KIAA1586: variants seen among roughly 807,000 people sequenced by gnomAD.
KIAA1586 encodes E3 SUMO-protein ligase KIAA1586.
Under a neutral mutation model 6.1 loss-of-function variants are expected in KIAA1586, and 5 were observed. The ratio of observed to expected loss-of-function variants is 0.82; its 90% CI spans 0.43 to 1.73. The LOEUF (loss-of-function observed/expected upper bound fraction) is 1.73, where lower values mean the gene tolerates loss of function less well. KIAA1586 is among the 40% of genes most tolerant of loss of function. KIAA1586 has a pLI of 0.02. For synonymous variants in KIAA1586, 280 were observed against 301.7 expected, an observed-to-expected ratio of 0.93 and a Z score of 0.75; for missense variants, 899 against 878.2, an observed-to-expected ratio of 1.02 and a Z score of -0.30.
chr6:57,056,674 A>G (rs538578142), downstream of KIAA1586, among the ~76,000 whole-genome samples: 3 of 151,310 alleles, frequency 2.0e-5, no homozygotes, highest in Admixed American at 6.6e-5. Context: ...GTAGCTGGGA[A>G]TACAGGTACA....
chr6:57,051,293 A>G (rs142894234), intron 3 of KIAA1586, among the ~76,000 whole-genome samples: 2 of 151,686 alleles, frequency 1.3e-5, no homozygotes, highest in Admixed American at 1.3e-4. Context: ...GATTGTAAAC[A>G]TAACAGTTAT....
rs375554795 is a variant in KIAA1586, at chr6:57,053,953, C to T, written c.1454C>T (p.Ala485Val). Residue 485 changes from alanine (A) to valine (V), a missense_variant, in exon 4 of 4, where the codon GCG (alanine) becomes GTG (valine). By Grantham distance (64) the Ala-to-Val change is moderately conservative. Transcript: ENST00000370733. ...GGTCGAGTAATGGGACCAAGATGGG[C>T]GGCATGTAGTTTACAAGCTGCTACT... ...KIGRVMGPRW[A>V]ACSLQAATAV... 230 of 1,583,128 alleles carry T rather than the reference C, an allele frequency of 1.5e-4. No individual in the cohort carries two copies. The highest frequency in any genetic ancestry group is 1.8e-4 in the Non-Finnish European group (210 of 1,168,910).
Position 57,053,026 on chromosome 6 carries a change from A to G in KIAA1586, c.527A>G (p.Lys176Arg), listed in dbSNP as rs140584319. 5 of 1,613,846 alleles carry G rather than the reference A, an allele frequency of 3.1e-6. No homozygotes were observed. Among genetic ancestry groups the G allele is most frequent in the African/African-American group, 2.7e-5 (2 of 74,932 alleles). Residue 176 changes from lysine (K) to arginine (R), a missense_variant, in exon 4 of 4, where the codon AAG (lysine) becomes AGG (arginine). Physicochemically the swap from Lys to Arg is conservative, Grantham distance 26. Transcript: ENST00000370733. ...CGGCATTTGGGATCGAAAGCAGAAA[A>G]GCATGTCCATGTGTCCAAGGAATGG... Reference protein sequence around the residue: ...AVRHLGSKAEKHVHVSKEWIA... With the variant: ...AVRHLGSKAERHVHVSKEWIA...
At chr6:57,055,463 A>C (rs1327662775), downstream of KIAA1586, among the ~76,000 whole-genome samples, 1 of 151,996 alleles carries the variant, frequency 6.6e-6, no homozygotes, top group Non-Finnish European at 1.5e-5. Context: ...TGCCTGTCAA[A>C]CTTGTGTGTC....
At chr6:57,059,369 G>A (rs922077310), downstream of KIAA1586, among the ~76,000 whole-genome samples, 2 of 152,050 alleles carry the variant, frequency 1.3e-5, no homozygotes, top group Non-Finnish European at 2.9e-5. Flanking sequence ...GAGGTGGGCG[G>A]ATCACAAGGT....
the KIAA1586 span, among the ~76,000 whole-genome samples, chr6:57,060,802 G>GATTT: frequency 8.9e-4 from 135 of 152,024 alleles, 1 homozygote; most frequent in South Asian, 1.9e-3. Context: ...CTGAAAATGT[G>GATTT]ATTTATTTAT....
In KIAA1586 at chr6:57,053,964, T is replaced by A. The variant is rs1562571468; in HGVS notation, c.1465T>A (p.Leu489Ile). 3 of 1,587,310 alleles carry A rather than the reference T, an allele frequency of 1.9e-6. No homozygotes were observed. Among genetic ancestry groups the A allele is most frequent in the Non-Finnish European group, 2.6e-6 (3 of 1,170,758 alleles). Residue 489 changes from leucine to isoleucine, a missense_variant, in exon 4 of 4, where the codon TTA becomes ATA. By Grantham distance (5) the Leu-to-Ile change is conservative. Transcript: ENST00000370733. ...GGGACCAAGATGGGCGGCATGTAGT[T>A]TACAAGCTGCTACTGCTGTATGGCA... ...VMGPRWAACS[L>I]QAATAVWHAY... is the part of the protein sequence containing the mutation.
intron 2 of KIAA1586, among the ~76,000 whole-genome samples, chr6:57,048,635 G>A (rs996401753): frequency 1.3e-5 from 2 of 152,134 alleles, no homozygotes; most frequent in Non-Finnish European, 2.9e-5. Flanking sequence ...AGAAACATTT[G>A]GGAAGAGGAG....
intron 2 of KIAA1586, among the ~76,000 whole-genome samples, chr6:57,048,810 C>T (rs1024836540): frequency 6.6e-6 from 1 of 152,094 alleles, no homozygotes; most frequent in Non-Finnish European, 1.5e-5. Flanking sequence ...GTAGAAGTGA[C>T]ATACGTCTGA....
Position 57,050,965 on chromosome 6 carries a change from C to G in KIAA1586, c.186+111C>G, listed in dbSNP as rs989142200. On this transcript the variant is annotated intron_variant, in intron 3 of 3. Coordinates refer to ENST00000370733, the MANE Select transcript of KIAA1586 (RefSeq NM_020931.4). ...TAATTGTTGGCCAGGCACGGTGGCT[C>G]TCGCTTGTAATCCCAGCACTTTGGG... The G allele has an allele frequency of 1.1e-4, 84 of 771,732 alleles. 2 individuals are homozygous for G. Among genetic ancestry groups the G allele is most frequent in the Admixed American group, 3.2e-4 (15 of 47,316 alleles). 47.8% of individuals were successfully genotyped at this position (771,732 alleles called of 1,614,324 possible). A position where few individuals can be genotyped will look rare whatever the true frequency, so the allele number is the denominator to read the frequency against.
rs1828306787 is a variant in KIAA1586, at chr6:57,050,952, A to G, written c.186+98A>G. ...GGATCATAAGAACTAATTGTTGGCCAGGCACGGTGGCTCTCGCTTGTAATC... is the reference window on the plus strand; with the variant it reads ...GGATCATAAGAACTAATTGTTGGCCGGGCACGGTGGCTCTCGCTTGTAATC... On this transcript the variant is annotated intron_variant, in intron 3 of 3. Transcript: ENST00000370733. 3.7e-5 allele frequency: 33 copies of G among 893,492 alleles called. 1 individual carries two copies. The South Asian group carries it at 4.5e-4, about 12-fold the overall frequency. 55.3% of individuals were successfully genotyped at this position (893,492 alleles called of 1,614,324 possible).
intron 3 of KIAA1586, among the ~76,000 whole-genome samples, chr6:57,052,193 AT>A (rs1828346606): frequency 6.6e-6 from 1 of 152,164 alleles, no homozygotes; most frequent in African/African-American, 2.4e-5. Flanking sequence ...GATGGAAAAT[AT>A]TTTTTTAAAT....
chr6:57,054,267 A>G lies in KIAA1586; in HGVS notation c.1768A>G (p.Ile590Val). 6.3e-7 allele frequency: 1 copy of G among 1,584,160 alleles called. No homozygotes were observed. The highest frequency in any genetic ancestry group is 1.1e-5 in the South Asian group (1 of 87,110). ...DLIKSDKFKDIPFNKNNKFNA... is the reference protein window; with the variant it reads ...DLIKSDKFKDVPFNKNNKFNA... ...GATCAAGTCAGATAAGTTTAAAGAT[A>G]TTCCATTTAATAAAAACAATAAATT... The change falls in exon 4 of 4, where the codon ATT becomes GTT. Residue 590 changes from isoleucine to valine, a missense_variant. Coordinates refer to ENST00000370733, the MANE Select transcript of KIAA1586 (RefSeq NM_020931.4).
chr6:57,050,685 C>A, intron 2 of KIAA1586, 89 bp from the exon 3 acceptor site: 1 of 889,170 alleles, frequency 1.1e-6, no homozygotes, highest in Non-Finnish European at 1.8e-6. Context: ...TTCCCAATTC[C>A]AACTAAAAAA....
chr6:57,056,273 C>G (rs897543581), downstream of KIAA1586, among the ~76,000 whole-genome samples: 1 of 151,680 alleles, frequency 6.6e-6, no homozygotes, highest in Admixed American at 6.6e-5. Context: ...GTGGTGCAAT[C>G]TCGGCTCACT....
chr6:57,060,130 A>G (rs1214424650), downstream of KIAA1586, among the ~76,000 whole-genome samples: 1 of 152,198 alleles, frequency 6.6e-6, no homozygotes, highest in Non-Finnish European at 1.5e-5. Context: ...CAAATCACTT[A>G]AACAGATTTA....
the KIAA1586 span, among the ~76,000 whole-genome samples, chr6:57,063,285 A>C: frequency 6.6e-6 from 1 of 151,982 alleles, no homozygotes; most frequent in Admixed American, 6.6e-5. Context: ...ATCGTGGATA[A>C]TTTTTTAAGC....
rs764331363 is a variant in KIAA1586 at position 57,052,882 on chromosome 6, T to C, written c.383T>C (p.Ile128Thr). 4.3e-6 allele frequency: 7 copies of C among 1,612,480 alleles called. No individual in the cohort carries two copies. The highest frequency in any genetic ancestry group is 4.0e-5 in the African/African-American group (3 of 74,762). Residue 128 changes from isoleucine (I) to threonine (T), a missense_variant, in exon 4 of 4, where the codon ATA (isoleucine) becomes ACA (threonine). Physicochemically the swap from Ile to Thr is moderately conservative, Grantham distance 89. Coordinates refer to ENST00000370733, the MANE Select transcript of KIAA1586 (RefSeq NM_020931.4). ...CCATCACTTTCATCAAAGAAAGAAA[T>C]AGATAATCTTGTGCTTCCAGATTGT... ...EKPSLSSKKE[I>T]DNLVLPDCWN...
At chr6:57,059,922 C>G (rs1184989433), downstream of KIAA1586, among the ~76,000 whole-genome samples, 1 of 152,172 alleles carries the variant, frequency 6.6e-6, no homozygotes, top group Non-Finnish European at 1.5e-5. Flanking sequence ...TTTCACCTCT[C>G]CTACTGTAGT....
Sources: gnomAD v4.1 joint callset for allele counts (sites outside exome capture counted in the v4.1 genomes callset) on GRCh38, gnomAD v4.1.1 for gene constraint, MANE v1.5 for transcripts, NCBI Gene and HGNC (gene_info 2026-07-23, HGNC 2026-07-21) for gene names.